Variants in PWP1 observed in about 807,000 individuals in gnomAD.
The protein encoded by PWP1 is periodic tryptophan protein 1 homolog.
In PWP1, 47 loss-of-function variants were observed where a neutral mutation model predicts 69.9. That is an observed-to-expected ratio of 0.67 (90% CI 0.53 to 0.86). PWP1 has a LOEUF of 0.86. Ranked by LOEUF, PWP1 falls within the 40% of genes least tolerant of loss-of-function variation. The pLI is 0.00. For synonymous variants in PWP1, 222 were observed against 208.2 expected (o/e 1.07, Z -0.57); for missense variants, 551 against 608.8 (o/e 0.91, Z 1.00).
Position 107,709,235 on chromosome 12 carries a change from A to T in PWP1, c.1290+3A>T. On this transcript the variant is annotated splice_donor_region_variant and intron_variant, in intron 13 of 14. Transcript: ENST00000412830. ...TTCATTCTAGGGACATGAAAATGGT[A>T]AGAATCTCCCTGGGTATCTGTTTTT... 1 of 1,612,974 alleles carries T rather than the reference A, an allele frequency of 6.2e-7. No homozygotes were observed. Among genetic ancestry groups the T allele is most frequent in the Non-Finnish European group, 8.5e-7 (1 of 1,179,316 alleles).
chr12:107,693,168 C>A, intron 5 of PWP1, 72 bp downstream of exon 5: 1 of 1,519,328 alleles, frequency 6.6e-7, no homozygotes, highest in Non-Finnish European at 8.8e-7. Context: ...GTTACCATTT[C>A]ATTTTTAGGT....
intron 14 of PWP1, among the ~76,000 whole-genome samples, chr12:107,711,656 A>G (rs1889954825): frequency 6.6e-6 from 1 of 151,598 alleles, no homozygotes; most frequent in South Asian, 2.1e-4. Context: ...CACAGAGATA[A>G]TATATATATC....
intron 1 of PWP1, 24 bp downstream of exon 1, chr12:107,685,995 A>G: frequency 1.2e-6 from 2 of 1,612,208 alleles, no homozygotes; most frequent in Non-Finnish European, 1.7e-6. Context: ...GCTGGGAGAC[A>G]AGGGGAGCAG....
At chr12:107,712,001 C>A in intron 14 of PWP1, 110 bp from the exon 15 acceptor site, 1 of 812,908 alleles carries the variant, frequency 1.2e-6, no homozygotes, top group Non-Finnish European at 2.0e-6. Context: ...TGGTTACTCA[C>A]TTTACCATTT....
chr12:107,694,941 G>T (rs540161513), intron 5 of PWP1, among the ~76,000 whole-genome samples: 3 of 152,054 alleles, frequency 2.0e-5, no homozygotes, highest in Non-Finnish European at 4.4e-5. Context: ...ATCTCACGTG[G>T]TTAAGAGTAT....
intron 6 of PWP1, 43 bp downstream of exon 6, chr12:107,696,627 T>G: frequency 1.2e-6 from 2 of 1,610,578 alleles, no homozygotes; most frequent in Non-Finnish European, 1.7e-6. Context: ...TCCAGTCTTA[T>G]GTATTTTCTC....
chr12:107,703,601 T>C (rs1566081357), intron 9 of PWP1, 84 bp from the exon 10 acceptor site: 2 of 1,160,586 alleles, frequency 1.7e-6, no homozygotes, highest in East Asian at 4.7e-5. Flanking sequence ...AGAAATACTG[T>C]CAAATAGATT....
At chr12:107,709,665 A>C (rs1889905058) in intron 13 of PWP1, among the ~76,000 whole-genome samples, 1 of 152,112 alleles carries the variant, frequency 6.6e-6, no homozygotes, top group South Asian at 2.1e-4. Context: ...TAGTAGGAAA[A>C]ATTTAGAAAT....
chr12:107,704,844 T>A, intron 11 of PWP1, 97 bp downstream of exon 11: 1 of 1,037,828 alleles, frequency 9.6e-7, no homozygotes, highest in Non-Finnish European at 1.5e-6. Flanking sequence ...TTTTCTGTTT[T>A]AACAGTATGA....
At chr12:107,688,955 A>G (rs1279094687) in intron 3 of PWP1, among the ~76,000 whole-genome samples, 153 bp downstream of exon 3, 1 of 152,206 alleles carries the variant, frequency 6.6e-6, no homozygotes, top group African/African-American at 2.4e-5. Context: ...TGATTCCTAA[A>G]CTAGTTTAGA....
chr12:107,701,676 C>A (rs1487763445), intron 8 of PWP1, among the ~76,000 whole-genome samples: 1 of 151,598 alleles, frequency 6.6e-6, no homozygotes, highest in Non-Finnish European at 1.5e-5. Context: ...TGTCCCTGAA[C>A]CATTTGTTTT....
chr12:107,711,710 A>G (rs1312753001), intron 14 of PWP1, among the ~76,000 whole-genome samples: 6 of 152,148 alleles, frequency 3.9e-5, no homozygotes, highest in African/African-American at 7.2e-5. Flanking sequence ...ATGCAAAACA[A>G]GGATCCTGAG....
chr12:107,699,275 AAAT>A, intron 7 of PWP1, 95 bp from the exon 8 acceptor site: 2 of 984,828 alleles, frequency 2.0e-6, no homozygotes, highest in Non-Finnish European at 1.6e-6. Context: ...AAACAAAACA[AAAT>A]AATCTTAAGG....
chr12:107,710,653 G>A (rs1218247117), intron 14 of PWP1, 143 bp downstream of exon 14: 1 of 1,340,976 alleles, frequency 7.5e-7, no homozygotes, highest in East Asian at 2.6e-5. Flanking sequence ...CTTCTGTATA[G>A]CTGGGATTAC....
chr12:107,708,859 T>C (rs1889881132), intron 11 of PWP1, 67 bp from the exon 12 acceptor site: 1 of 1,401,548 alleles, frequency 7.1e-7, no homozygotes, highest in Middle Eastern at 2.5e-4. Flanking sequence ...CACTATGACT[T>C]AGACTTTTTA....
intron 3 of PWP1, among the ~76,000 whole-genome samples, chr12:107,691,300 G>A (rs1889475569): frequency 6.6e-6 from 1 of 152,232 alleles, no homozygotes; most frequent in South Asian, 2.1e-4. Context: ...AAGGTGGATG[G>A]GCAGTTGCTG....
Position 107,712,201 on chromosome 12 carries a change from A to G in PWP1, c.1487A>G (p.Asp496Gly), listed in dbSNP as rs889520207. 1.4e-5 allele frequency: 22 copies of G among 1,613,250 alleles called. No individual in the cohort carries two copies. Among genetic ancestry groups the G allele is most frequent in the Non-Finnish European group, 1.8e-5 (21 of 1,179,180 alleles). The change falls in exon 15 of 15, where the codon GAT becomes GGT. Residue 496 changes from aspartate (D) to glycine (G), a missense_variant. By Grantham distance (94) the Asp-to-Gly change is moderately conservative (BLOSUM62 -1). Transcript: ENST00000412830. The stretch of plus-strand genomic sequence containing the variant: ...GGCCCTTTTGGCAGCAGGAGCTCAG[A>G]TACACCCATGGAGTCTTAATGAAGA... ...ISGPFGSRSSDTPMES is the reference protein window; with the variant it reads ...ISGPFGSRSSGTPMES
intron 7 of PWP1, 135 bp downstream of exon 7, chr12:107,697,732 G>T (rs879129759): frequency 1.1e-6 from 1 of 911,558 alleles, no homozygotes; most frequent in South Asian, 1.4e-5. Context: ...TGAAATTATT[G>T]TAATTTTTAG....
chr12:107,712,038 ATTTTAGTGTCT>A, intron 14 of PWP1, 62 bp from the exon 15 acceptor site: 1 of 1,276,468 alleles, frequency 7.8e-7, no homozygotes, highest in South Asian at 1.2e-5. Context: ...ACAATTCTGC[ATTTTAGTGTCT>A]TTTTATATTC....
Sources: gnomAD v4.1 joint callset for allele counts (sites outside exome capture counted in the v4.1 genomes callset) on GRCh38, gnomAD v4.1.1 for gene constraint, MANE v1.5 for transcripts, NCBI Gene and HGNC (gene_info 2026-07-23, HGNC 2026-07-21) for gene names.